MAP3K19: variants seen among roughly 807,000 people sequenced by gnomAD.
The protein encoded by MAP3K19 is mitogen-activated protein kinase kinase kinase 19.
MAP3K19 carries 91 observed loss-of-function variants against 114.4 expected under a neutral mutation model. The ratio of observed to expected loss-of-function variants is 0.80; its 90% CI spans 0.67 to 0.95. MAP3K19 has a LOEUF of 0.95. Ranked by LOEUF, MAP3K19 falls within the 40% of genes least tolerant of loss-of-function variation. The probability of loss-of-function intolerance (pLI) is 0.00; values close to 1 mark genes in which losing one functional copy is unlikely to be tolerated. For synonymous variants in MAP3K19, 518 were observed against 530.5 expected, an observed-to-expected ratio of 0.98 and a Z score of 0.32; for missense variants, 1,471 against 1,573.2, an observed-to-expected ratio of 0.94 and a Z score of 1.10.
chr2:134,992,248 A>C lies in MAP3K19; in HGVS notation c.575-668T>G, dbSNP rs545081112. Among the ~76,000 whole-genome samples, 4 of 152,294 alleles carry C rather than the reference A, an allele frequency of 2.6e-5. No individual in the cohort carries two copies. The South Asian group carries it at 8.3e-4, about 32-fold the overall frequency. ...GCTTAGAAAGCCTGAACTGTGCAGA[A>C]ATGTGAAAATATTCTTGTATAAGTG... On this transcript the variant is annotated intron_variant, in intron 8 of 12. Coordinates refer to ENST00000392915, the MANE Select transcript of MAP3K19 (RefSeq NM_025052.5).
At chr2:134,965,055 A>G (rs952925255) in intron 12 of MAP3K19, 139 bp from the exon 13 acceptor site, 62 of 601,330 alleles carry the variant, frequency 1.0e-4, no homozygotes, top group Non-Finnish European at 1.7e-4. Flanking sequence ...CCAGTCTCCA[A>G]TTTTTAGCTG....
chr2:135,035,366 C>T (rs1372982800), intron 2 of MAP3K19, among the ~76,000 whole-genome samples: 1 of 152,218 alleles, frequency 6.6e-6, no homozygotes, highest in Non-Finnish European at 1.5e-5. Flanking sequence ...TACTGCACTC[C>T]AGCCTGGGCA....
chr2:135,031,127 T>C (rs943043755), intron 2 of MAP3K19, among the ~76,000 whole-genome samples: 3 of 150,298 alleles, frequency 2.0e-5, no homozygotes, highest in African/African-American at 7.4e-5. Flanking sequence ...CTTTAAAGTA[T>C]TTGCAGTCTA....
intron 9 of MAP3K19, among the ~76,000 whole-genome samples, chr2:134,991,001 G>A (rs1322745469): frequency 1.3e-5 from 2 of 151,832 alleles, no homozygotes; most frequent in Non-Finnish European, 2.9e-5. Flanking sequence ...CAAGACCAAC[G>A]TGGCCAACAT....
At chr2:134,965,019 G>A (rs1196683656) in intron 12 of MAP3K19, 103 bp from the exon 13 acceptor site, 6 of 874,820 alleles carry the variant, frequency 6.9e-6, no homozygotes, top group Admixed American at 2.2e-5. Flanking sequence ...TACAACTTCT[G>A]ATAGTCAAAC....
chr2:135,017,427 C>A (rs764446729), intron 5 of MAP3K19, among the ~76,000 whole-genome samples: 8 of 152,148 alleles, frequency 5.3e-5, no homozygotes, highest in Non-Finnish European at 1.0e-4. Flanking sequence ...CTTAAGCCTG[C>A]AGGTTGAGAC....
intron 12 of MAP3K19, among the ~76,000 whole-genome samples, chr2:134,967,583 A>C (rs199927300): frequency 2.7e-3 from 382 of 141,748 alleles, no homozygotes; most frequent in South Asian, 3.8e-3. Flanking sequence ...AGAGAAACAT[A>C]AATCTTGCTT....
At chr2:135,009,556 T>C (rs16831248) in intron 5 of MAP3K19, among the ~76,000 whole-genome samples, 6,363 of 152,276 alleles carry the variant, frequency 0.042, 160 homozygotes, top group African/African-American at 0.056. Flanking sequence ...GTGTTAGTCA[T>C]ACAGCAGGTT....
chr2:134,968,897 C>G (rs1238726292), intron 12 of MAP3K19, among the ~76,000 whole-genome samples: 1 of 151,316 alleles, frequency 6.6e-6, no homozygotes, highest in Non-Finnish European at 1.5e-5. Flanking sequence ...CTCCTCACAT[C>G]CCAGACGATG....
At chr2:135,015,417 T>A (rs951004205) in intron 5 of MAP3K19, among the ~76,000 whole-genome samples, 1 of 152,342 alleles carries the variant, frequency 6.6e-6, no homozygotes, top group South Asian at 2.1e-4. Flanking sequence ...TGGGAGTTTT[T>A]AAATTTTTTC....
intron 11 of MAP3K19, among the ~76,000 whole-genome samples, chr2:134,982,358 T>C (rs1340639059): frequency 1.3e-5 from 2 of 149,004 alleles, no homozygotes; most frequent in African/African-American, 2.5e-5. Flanking sequence ...TTTTCTTTTT[T>C]TTTTTTTTTT....
At chr2:134,992,537 G>C (rs1309930331) in intron 8 of MAP3K19, among the ~76,000 whole-genome samples, 1 of 152,180 alleles carries the variant, frequency 6.6e-6, no homozygotes, top group African/African-American at 2.4e-5. Context: ...GATGATGTGG[G>C]ACAGGAAGAC....
intron 8 of MAP3K19, among the ~76,000 whole-genome samples, chr2:134,992,621 C>T (rs1685663329): frequency 6.6e-6 from 1 of 152,112 alleles, no homozygotes; most frequent in Non-Finnish European, 1.5e-5. Context: ...TTATCCAACC[C>T]AGATAGATAG....
intron 1 of MAP3K19, among the ~76,000 whole-genome samples, chr2:135,041,718 A>G (rs1490668907): frequency 1.3e-5 from 2 of 152,232 alleles, no homozygotes; most frequent in Non-Finnish European, 2.9e-5. Context: ...CACTGTATGT[A>G]GCCACATGCT....
In MAP3K19 at chr2:134,987,267, C is replaced by T. The variant is rs889375987; in HGVS notation, c.1605G>A (p.Arg535=). ...ENDKHKMNSH[R]SKLDSKTKTS... ...TCTTGGTCTTTGAATCCAACTTACT[C>T]CTATGGGAATTCATCTTATGCTTGT... Residue 535 remains arginine, a synonymous_variant, in exon 10 of 13, where the codon AGG becomes AGA. Coordinates refer to ENST00000392915, the MANE Select transcript of MAP3K19 (RefSeq NM_025052.5). The T allele has an allele frequency of 7.4e-6, 12 of 1,614,094 alleles. No homozygotes were observed. The highest frequency in any genetic ancestry group is 8.5e-6 in the Non-Finnish European group (10 of 1,180,016).
chr2:135,023,377 C>A, intron 4 of MAP3K19: 1 of 513,312 alleles, frequency 1.9e-6, no homozygotes, highest in Non-Finnish European at 4.0e-6. Flanking sequence ...GCAATTTTCT[C>A]ACTCTCATCA....
intron 1 of MAP3K19, among the ~76,000 whole-genome samples, chr2:135,043,978 A>G (rs1285151545): frequency 6.6e-6 from 1 of 152,240 alleles, no homozygotes; most frequent in East Asian, 1.9e-4. Context: ...AATAGATATT[A>G]GTTTCCCCTT....
intron 8 of MAP3K19, among the ~76,000 whole-genome samples, chr2:134,997,992 A>C (rs1686147290): frequency 6.6e-6 from 1 of 152,052 alleles, no homozygotes; most frequent in African/African-American, 2.4e-5. Context: ...TTGTTGGATT[A>C]TAAGGTTGTT....
intron 8 of MAP3K19, among the ~76,000 whole-genome samples, chr2:134,997,403 T>C (rs561823260): frequency 6.6e-6 from 1 of 152,320 alleles, no homozygotes; most frequent in South Asian, 2.1e-4. Context: ...GAAAATGTTC[T>C]GGGGATGAAT....
Sources: gnomAD v4.1 joint callset for allele counts (sites outside exome capture counted in the v4.1 genomes callset) on GRCh38, gnomAD v4.1.1 for gene constraint, MANE v1.5 for transcripts, NCBI Gene and HGNC (gene_info 2026-07-23, HGNC 2026-07-21) for gene names.